POU2F1: variants seen among roughly 807,000 people sequenced by gnomAD.
The protein encoded by POU2F1 is POU class 2 homeobox 1.
A neutral mutation model predicts 84.9 loss-of-function variants in POU2F1; 16 were observed. That is an observed-to-expected ratio of 0.19 (90% confidence interval 0.13 to 0.29). The LOEUF is 0.29. Among genes scored for constraint, POU2F1 ranks in the 10% least tolerant of loss-of-function variants. The pLI is 1.00. For synonymous variants in POU2F1, 368 were observed against 368.3 expected, an observed-to-expected ratio of 1.00 and a Z score of 0.01; for missense variants, 738 against 942.6, an observed-to-expected ratio of 0.78 and a Z score of 2.84.
At chr1:167,293,025 A>T (rs1654032048) in intron 1 of POU2F1, among the ~76,000 whole-genome samples, 1 of 152,176 alleles carries the variant, frequency 6.6e-6, no homozygotes, top group African/African-American at 2.4e-5. Flanking sequence ...GTAAAGCCAT[A>T]TCTGACAAAC....
At chr1:167,313,815 A>T (rs992775297) in intron 1 of POU2F1, among the ~76,000 whole-genome samples, 2 of 152,248 alleles carry the variant, frequency 1.3e-5, no homozygotes, top group Non-Finnish European at 2.9e-5. Flanking sequence ...ACAGTGGGAG[A>T]AAATATTTGC....
intron 2 of POU2F1, chr1:167,357,380 C>CCCCCCCCCCCCA (rs1659028063): frequency 6.7e-4 from 2 of 3,002 alleles, no homozygotes; most frequent in Admixed American, 2.5e-3. Context: ...CCCCCCCCCA[C>CCCCCCCCCCCCA]CCCCCCCCGC....
intron 1 of POU2F1, among the ~76,000 whole-genome samples, chr1:167,293,191 C>G (rs112331383): frequency 7.9e-5 from 12 of 152,088 alleles, no homozygotes; most frequent in Non-Finnish European, 1.5e-4. Flanking sequence ...TAAACAGCAT[C>G]CAAATTGGAA....
At chr1:167,228,717 C>G (rs1648828477) in intron 1 of POU2F1, among the ~76,000 whole-genome samples, 1 of 152,182 alleles carries the variant, frequency 6.6e-6, no homozygotes, top group African/African-American at 2.4e-5. Flanking sequence ...AATTTTTTGT[C>G]CATGCATTTG....
intron 2 of POU2F1, among the ~76,000 whole-genome samples, chr1:167,353,307 C>G (rs1034689303): frequency 6.6e-6 from 1 of 150,838 alleles, no homozygotes; most frequent in African/African-American, 2.4e-5. Context: ...CACCACCTCC[C>G]TCTTCAATAC....
At chr1:167,315,806 T>TA (rs537847447) in intron 1 of POU2F1, among the ~76,000 whole-genome samples, 12,122 of 136,370 alleles carry the variant, frequency 0.089, 1,520 homozygotes, top group African/African-American at 0.29. Context: ...CCCATCTCTT[T>TA]AAAAAAAAAA....
intron 2 of POU2F1, among the ~76,000 whole-genome samples, chr1:167,356,307 G>A (rs547217885): frequency 1.3e-5 from 2 of 151,598 alleles, no homozygotes; most frequent in East Asian, 3.9e-4. Context: ...GGCCACAAAG[G>A]CAGTTTTAAA....
intron 1 of POU2F1, among the ~76,000 whole-genome samples, chr1:167,314,375 A>G (rs897189919): frequency 1.3e-5 from 2 of 152,226 alleles, no homozygotes; most frequent in Non-Finnish European, 1.5e-5. Context: ...AAAATAAAAA[A>G]TAGTGACAAT....
At chr1:167,398,764 A>T (rs1648988518) in intron 11 of POU2F1, among the ~76,000 whole-genome samples, 1 of 152,108 alleles carries the variant, frequency 6.6e-6, no homozygotes, top group South Asian at 2.1e-4. Flanking sequence ...CAGCTCTGCC[A>T]CTTAAACTGT....
intron 1 of POU2F1, among the ~76,000 whole-genome samples, chr1:167,275,300 A>G (rs987720627): frequency 6.6e-6 from 1 of 152,098 alleles, no homozygotes; most frequent in Non-Finnish European, 1.5e-5. Flanking sequence ...TGTTGGGATT[A>G]CAGGTGTGAG....
chr1:167,324,243 G>T (rs978742654), intron 1 of POU2F1, among the ~76,000 whole-genome samples: 9 of 152,096 alleles, frequency 5.9e-5, no homozygotes, highest in African/African-American at 2.2e-4. Flanking sequence ...TTAAAGCAGT[G>T]TTTTTTAATC....
At position 167,397,999 on chromosome 1, in the gene POU2F1, C is replaced by A. The variant is rs1369617471; in HGVS notation, c.1135C>A (p.Leu379Ile). 1.2e-6 allele frequency: 2 copies of A among 1,611,888 alleles called. No individual in the cohort carries two copies. Among genetic ancestry groups the A allele is most frequent in the South Asian group, 2.2e-5 (2 of 90,738 alleles). ...LEKWLNDAEN[L>I]SSDSSLSSPS... ...TATTTTCTTCATTCTTACAGAGAACCTCTCATCTGATTCGTCCCTCTCCAG... is the reference window on the plus strand; with the variant it reads ...TATTTTCTTCATTCTTACAGAGAACATCTCATCTGATTCGTCCCTCTCCAG... The change falls in exon 11 of 16, where the codon CTC becomes ATC. Residue 379 changes from leucine (L) to isoleucine (I), a missense_variant. Transcript: ENST00000367866.
intron 1 of POU2F1, among the ~76,000 whole-genome samples, chr1:167,292,414 A>C (rs1476457700): frequency 6.6e-6 from 1 of 152,014 alleles, no homozygotes; most frequent in African/African-American, 2.4e-5. Flanking sequence ...GACACCAAGC[A>C]AAGCTTTAGA....
intron 9 of POU2F1, among the ~76,000 whole-genome samples, chr1:167,391,022 A>G (rs1020809517): frequency 6.6e-6 from 1 of 152,182 alleles, no homozygotes; most frequent in Non-Finnish European, 1.5e-5. Context: ...AATATATTTA[A>G]TGGTTTAAAC....
In POU2F1 at chr1:167,421,985, A is replaced by G. The variant is rs1199142793; in HGVS notation, c.*6175A>G. 2 of 152,130 alleles carry G rather than the reference A, an allele frequency of 1.3e-5. No homozygotes were observed. The highest frequency in any genetic ancestry group is 2.9e-5 in the Non-Finnish European group (2 of 68,036). 9.4% of individuals were successfully genotyped at this position (152,130 alleles called of 1,614,324 possible). ...CTCGTGTGTGTGTTTGTTTTTTCTT[A>G]TATCTGTCTTGCCAAAGGAAACTTG... is the stretch of plus-strand genomic sequence containing the variant. On this transcript the variant is annotated 3_prime_UTR_variant, in exon 16 of 16. Transcript: ENST00000367866.
chr1:167,259,169 C>A (rs1158032853), intron 1 of POU2F1, among the ~76,000 whole-genome samples: 1 of 152,154 alleles, frequency 6.6e-6, no homozygotes, highest in Non-Finnish European at 1.5e-5. Flanking sequence ...AGGAGGCTGG[C>A]CTTATCTTGT....
intron 13 of POU2F1, among the ~76,000 whole-genome samples, chr1:167,407,669 G>C (rs1649676447): frequency 6.6e-6 from 1 of 151,992 alleles, no homozygotes; most frequent in Non-Finnish European, 1.5e-5. Flanking sequence ...TTCAACAAAT[G>C]GTTCTAGGAC....
In POU2F1 at chr1:167,408,438, C is replaced by A. The variant is rs565820184; in HGVS notation, c.1556-3521C>A. Among the ~76,000 whole-genome samples, 121 of 152,198 alleles carry A rather than the reference C, an allele frequency of 8.0e-4. 2 individuals carry two copies. The South Asian group carries it at 0.024, about 30-fold the overall frequency. On this transcript the variant is annotated intron_variant, in intron 13 of 15. Coordinates refer to ENST00000367866, the MANE Select transcript of POU2F1 (RefSeq NM_002697.4). ...TATATAGCAGCCTTATTTATAATAT[C>A]CAAGAACTGGAAACAAACCAGTGCT...
chr1:167,247,038 A>ATGTG (rs10592064), intron 1 of POU2F1, among the ~76,000 whole-genome samples: 1,235 of 74,994 alleles, frequency 0.016, 6 homozygotes, highest in South Asian at 0.026. Context: ...TTATATATAT[A>ATGTG]TGTGTGTGTG....
Sources: allele counts gnomAD v4.1 joint callset (sites outside exome capture counted in the v4.1 genomes callset), GRCh38; gene constraint gnomAD v4.1.1; transcripts MANE v1.5; gene names NCBI Gene and HGNC (gene_info 2026-07-23, HGNC 2026-07-21).